Variants in KCNMA1 observed in about 807,000 individuals in gnomAD.
KCNMA1 encodes the protein potassium calcium-activated channel subfamily M alpha 1.
Under a neutral mutation model 140.0 loss-of-function variants are expected in KCNMA1, and 29 were observed. The observed-to-expected ratio is 0.21, with a 90% CI of 0.15 to 0.28. KCNMA1 has a LOEUF of 0.28. KCNMA1 is among the 10% of genes least tolerant of loss of function. The pLI, the probability that KCNMA1 is intolerant of heterozygous loss-of-function variation, is 1.00. For synonymous variants in KCNMA1, 612 were observed against 611.9 expected (o/e 1.00, Z 0.00); for missense variants, 880 against 1,602.2 (o/e 0.55, Z 7.70).
intron 18 of KCNMA1, among the ~76,000 whole-genome samples, chr10:77,010,076 T>C (rs1442790881): frequency 3.9e-5 from 6 of 152,212 alleles, no homozygotes; most frequent in Non-Finnish European, 8.8e-5. Context: ...AATCACAGTC[T>C]TGCTATTTCC....
chr10:77,065,669 C>T (rs1438755768), intron 14 of KCNMA1, among the ~76,000 whole-genome samples: 1 of 152,028 alleles, frequency 6.6e-6, no homozygotes, highest in Admixed American at 6.6e-5. Context: ...ACAGGGGGTT[C>T]TGGGATATTT....
At chr10:77,458,906 G>A (rs1350393905) in intron 1 of KCNMA1, among the ~76,000 whole-genome samples, 1 of 152,222 alleles carries the variant, frequency 6.6e-6, no homozygotes, top group Non-Finnish European at 1.5e-5. Flanking sequence ...ATGGCTGGTG[G>A]CTATCATATT....
Position 76,969,957 on chromosome 10 carries a change from C to T in KCNMA1, c.2360+17G>A, listed in dbSNP as rs1459122180. ...GGGCTAAGAGGGAAACCGTGGGCAACCAGCCCCTCTCCTTACCTCATCAGC... is the reference window on the plus strand; with the variant it reads ...GGGCTAAGAGGGAAACCGTGGGCAATCAGCCCCTCTCCTTACCTCATCAGC... On this transcript the variant is annotated intron_variant, in intron 20 of 27. Transcript: ENST00000286628. 1.3e-6 allele frequency: 2 copies of T among 1,597,760 alleles called. No homozygotes were observed. Among genetic ancestry groups the T allele is most frequent in the African/African-American group, 1.3e-5 (1 of 74,560 alleles).
intron 1 of KCNMA1, among the ~76,000 whole-genome samples, chr10:77,499,434 C>T (rs1023672456): frequency 1.5e-5 from 2 of 133,114 alleles, no homozygotes; most frequent in Non-Finnish European, 1.5e-5. Flanking sequence ...CACACACACA[C>T]ATACACACAC....
chr10:77,185,960 C>T (rs1243754419), intron 3 of KCNMA1, among the ~76,000 whole-genome samples: 1 of 152,102 alleles, frequency 6.6e-6, no homozygotes, highest in Non-Finnish European at 1.5e-5. Context: ...AACACTTTAG[C>T]TAAAGGGAAG....
At chr10:76,956,004 T>C (rs2068121584) in intron 20 of KCNMA1, among the ~76,000 whole-genome samples, 1 of 152,104 alleles carries the variant, frequency 6.6e-6, no homozygotes. Context: ...CCCTAGTGCA[T>C]TTAGGATTTA....
chr10:77,404,052 C>A, intron 1 of KCNMA1, 29 bp from the exon 2 acceptor site: 1 of 1,610,288 alleles, frequency 6.2e-7, no homozygotes, highest in East Asian at 2.2e-5. Context: ...AGAGTTAAGA[C>A]ATAGGGAACA....
At chr10:77,268,276 C>G (rs529611790) in intron 2 of KCNMA1, among the ~76,000 whole-genome samples, 1 of 152,056 alleles carries the variant, frequency 6.6e-6, no homozygotes, top group Non-Finnish European at 1.5e-5. Context: ...AGCAGGCGAA[C>G]GACAATGTCT....
intron 5 of KCNMA1, among the ~76,000 whole-genome samples, chr10:77,127,059 AACACACACACAAACACACACACAC>A (rs2097757308): frequency 7.5e-6 from 1 of 133,214 alleles, no homozygotes; most frequent in African/African-American, 2.9e-5. Flanking sequence ...AAAGCCCAGA[AACACACACACAAACACACACACAC>A]ACACACACAC....
At chr10:77,636,479 C>T in intron 1 of KCNMA1, 2 of 1,536,216 alleles carry the variant, frequency 1.3e-6, no homozygotes, top group South Asian at 2.4e-5. Flanking sequence ...CAGCTCCGCG[C>T]TGCTGGTGGC....
At chr10:77,095,536 C>T (rs1369808) in intron 9 of KCNMA1, among the ~76,000 whole-genome samples, 4,078 of 152,084 alleles carry the variant, frequency 0.027, 73 homozygotes, top group South Asian at 0.052. Flanking sequence ...AAGGGCAGTG[C>T]GGTGGGTCAC....
intron 2 of KCNMA1, among the ~76,000 whole-genome samples, chr10:77,377,853 T>A (rs369830139): frequency 6.6e-6 from 1 of 152,192 alleles, no homozygotes; most frequent in East Asian, 1.9e-4. Context: ...GTTATCACAG[T>A]GCCTAGCTCC....
chr10:76,917,948 G>C (rs1352105408), intron 23 of KCNMA1, among the ~76,000 whole-genome samples: 2 of 152,168 alleles, frequency 1.3e-5, no homozygotes, highest in Non-Finnish European at 2.9e-5. Flanking sequence ...CTTCCATAAA[G>C]GAATGAGGCA....
chr10:77,295,806 A>AAAAAAC (rs2074897799), intron 2 of KCNMA1, among the ~76,000 whole-genome samples: 1 of 145,734 alleles, frequency 6.9e-6, no homozygotes, highest in South Asian at 2.2e-4. Context: ...AAAAAAAAAA[A>AAAAAAC]AAAAAAAAAA....
chr10:77,587,924 G>A, intron 1 of KCNMA1: 1 of 928,030 alleles, frequency 1.1e-6, no homozygotes, highest in Non-Finnish European at 1.3e-6. Flanking sequence ...TAGTTTATTT[G>A]GAGACATAAG....
chr10:76,947,853 T>G (rs1299391465), intron 22 of KCNMA1, among the ~76,000 whole-genome samples: 1 of 152,248 alleles, frequency 6.6e-6, no homozygotes, highest in African/African-American at 2.4e-5. Flanking sequence ...TTGTGTGTTC[T>G]TTAATGAATT....
chr10:76,948,844 T>G (rs768320223), intron 22 of KCNMA1: 1 of 468,340 alleles, frequency 2.1e-6, no homozygotes, highest in Non-Finnish European at 3.9e-6. Flanking sequence ...ATAACAATGC[T>G]CTAGGTTTTG....
intron 1 of KCNMA1, among the ~76,000 whole-genome samples, chr10:77,588,283 G>T (rs1603637776): frequency 6.6e-6 from 1 of 152,200 alleles, no homozygotes; most frequent in East Asian, 1.9e-4. Context: ...GGGCAAGGTA[G>T]GAAGTTAGGA....
chr10:77,374,868 G>A (rs1011812889), intron 2 of KCNMA1, among the ~76,000 whole-genome samples: 1 of 152,180 alleles, frequency 6.6e-6, no homozygotes, highest in African/African-American at 2.4e-5. Flanking sequence ...TTCCAGACAG[G>A]AAGCTTGGAG....
Sources: gnomAD v4.1 joint callset for allele counts (sites outside exome capture counted in the v4.1 genomes callset) on GRCh38, gnomAD v4.1.1 for gene constraint, MANE v1.5 for transcripts, NCBI Gene and HGNC (gene_info 2026-07-23, HGNC 2026-07-21) for gene names.